Variants in GUCY2F observed in about 807,000 individuals in gnomAD.
GUCY2F encodes the protein guanylate cyclase 2F, retinal, also known as retinal guanylyl cyclase 2.
GUCY2F carries 61 observed loss-of-function variants against 73.1 expected under a neutral mutation model. The observed-to-expected ratio is 0.83, with a 90% CI of 0.68 to 1.03. The LOEUF (loss-of-function observed/expected upper bound fraction) is 1.03. GUCY2F is among the 50% of genes least tolerant of loss of function. The pLI, the probability that GUCY2F is intolerant of heterozygous loss-of-function variation, is 0.00. For synonymous variants in GUCY2F, 331 were observed against 307.8 expected (o/e 1.08, Z -0.79); for missense variants, 912 against 854.3 (o/e 1.07, Z -0.84).
chrX:109,394,080 T>A (rs920114006), intron 12 of GUCY2F, among the ~76,000 whole-genome samples: 3 of 111,498 alleles, frequency 2.7e-5, no homozygotes, highest in African/African-American at 9.8e-5. Context: ...CCAGGGAACC[T>A]CCCTCTCCTC....
Position 109,465,403 on chromosome X carries a change from C to T in GUCY2F, c.771G>A (p.Glu257=). Residue 257 remains glutamate (E), a synonymous_variant, in exon 3 of 20, where the codon GAG becomes GAA. Transcript: ENST00000218006. ...MCMHSALIGG[E]TQMHLLECAH... is the part of the protein sequence containing the mutation. ...CACATTCCAAGAGATGCATCTGAGTCTCTCCCCCAATCAAAGCTGAATGCA... is the reference window on the plus strand; with the variant it reads ...CACATTCCAAGAGATGCATCTGAGTTTCTCCCCCAATCAAAGCTGAATGCA... 8.3e-7 allele frequency: 1 copy of T among 1,204,983 alleles called. No individual in the cohort carries two copies.
chrX:109,419,962 G>C, intron 8 of GUCY2F, among the ~76,000 whole-genome samples: 1 of 110,039 alleles, frequency 9.1e-6, no homozygotes, highest in East Asian at 2.8e-4. Context: ...TGGCATTATG[G>C]TTACACTAAT....
intron 14 of GUCY2F, 29 bp downstream of exon 14, chrX:109,391,882 G>C: frequency 2.0e-6 from 2 of 1,007,840 alleles, no homozygotes; most frequent in Middle Eastern, 3.0e-4. Flanking sequence ...ATTTCACTAT[G>C]GAATATATTT....
intron 17 of GUCY2F, among the ~76,000 whole-genome samples, chrX:109,381,607 C>T (rs1930311979): frequency 8.9e-6 from 1 of 112,094 alleles, no homozygotes; most frequent in African/African-American, 3.2e-5. Flanking sequence ...AAAATGTTTG[C>T]CTTTCATAGA....
intron 4 of GUCY2F, 117 bp downstream of exon 4, chrX:109,453,388 G>A (rs757743625): frequency 7.2e-5 from 32 of 443,317 alleles, no homozygotes; most frequent in African/African-American, 6.7e-4. Context: ...TATGTCACTC[G>A]AATGCAAATA....
At chrX:109,418,386 G>C (rs113113479) in intron 8 of GUCY2F, among the ~76,000 whole-genome samples, 2,040 of 111,881 alleles carry the variant, frequency 0.018, 43 homozygotes, top group African/African-American at 0.062. Flanking sequence ...GGAATGTTCA[G>C]TAACACAGAC....
At chrX:109,463,358 C>A (rs189833799) in intron 3 of GUCY2F, among the ~76,000 whole-genome samples, 4 of 110,064 alleles carry the variant, frequency 3.6e-5, no homozygotes, top group Non-Finnish European at 5.7e-5. Flanking sequence ...TAGGCATGGG[C>A]ATGGGACACA....
intron 2 of GUCY2F, among the ~76,000 whole-genome samples, chrX:109,473,543 G>A (rs1479549518): frequency 9.0e-6 from 1 of 111,543 alleles, no homozygotes; most frequent in Non-Finnish European, 1.9e-5. Flanking sequence ...CAGTATTCTT[G>A]AAAAGATGTC....
intron 15 of GUCY2F, 123 bp from the exon 16 acceptor site, chrX:109,385,405 C>T (rs764795975): frequency 2.5e-6 from 1 of 394,169 alleles, no homozygotes; most frequent in Non-Finnish European, 4.4e-6. Context: ...TCATATAGCT[C>T]TGTGAATCTG....
intron 8 of GUCY2F, among the ~76,000 whole-genome samples, chrX:109,426,009 T>C (rs1275382901): frequency 9.0e-6 from 1 of 110,859 alleles, no homozygotes. Context: ...AATTATGAGG[T>C]AGTAGTAAGG....
intron 8 of GUCY2F, among the ~76,000 whole-genome samples, chrX:109,413,409 CT>C (rs202214535): frequency 2.8e-4 from 30 of 105,825 alleles, no homozygotes; most frequent in Middle Eastern, 4.8e-3. Context: ...GACAAGACAC[CT>C]TTTTTTTTTT....
chrX:109,414,030 C>T (rs1247543985), intron 8 of GUCY2F, among the ~76,000 whole-genome samples: 2 of 110,886 alleles, frequency 1.8e-5, no homozygotes, highest in African/African-American at 3.3e-5. Flanking sequence ...CAGCTCACTG[C>T]CACAACCACC....
intron 4 of GUCY2F, among the ~76,000 whole-genome samples, chrX:109,452,856 C>CT (rs967907904): frequency 8.1e-5 from 9 of 111,591 alleles, no homozygotes; most frequent in African/African-American, 2.6e-4. Flanking sequence ...CTTCCACAAG[C>CT]TAGAGGAGTT....
intron 10 of GUCY2F, among the ~76,000 whole-genome samples, chrX:109,400,081 T>A (rs1024273176): frequency 9.1e-6 from 1 of 109,794 alleles, no homozygotes; most frequent in Non-Finnish European, 1.9e-5. Flanking sequence ...GGAGAGGGAT[T>A]TGATGAAAGC....
Position 109,388,651 on chromosome X carries a change from C to T in GUCY2F, c.2794G>A (p.Gly932Arg), listed in dbSNP as rs779163568. ...SHDVYKVETI[G>R]DAYMVASGLP... is the part of the protein sequence containing the mutation. ...CCTGAAGCCACCATGTAGGCATCTC[C>T]AATGGTCTCTACCTGGGAATTAGGA... Residue 932 changes from glycine to arginine, a missense_variant, in exon 15 of 20, where the codon GGA (glycine) becomes AGA (arginine). Transcript: ENST00000218006. The T allele has an allele frequency of 3.4e-6, 4 of 1,180,205 alleles. No individual in the cohort carries two copies. Among genetic ancestry groups the T allele is most frequent in the Non-Finnish European group, 4.6e-6 (4 of 868,008 alleles).
chrX:109,391,387 T>A (rs1307547627), intron 14 of GUCY2F, among the ~76,000 whole-genome samples: 1 of 111,083 alleles, frequency 9.0e-6, no homozygotes, highest in African/African-American at 3.3e-5. Flanking sequence ...CCAAAGAGCC[T>A]CGAGTCTAAT....
Position 109,475,624 on chromosome X carries a change from G to T in GUCY2F, c.313C>A (p.Gln105Lys), listed in dbSNP as rs775093662. 1 of 1,207,974 alleles carries T rather than the reference G, an allele frequency of 8.3e-7. No homozygotes were observed. The highest frequency in any genetic ancestry group is 1.1e-6 in the Non-Finnish European group (1 of 893,591). The change falls in exon 2 of 20, where the codon CAG becomes AAG. Residue 105 changes from glutamine to lysine, a missense_variant. Coordinates refer to ENST00000218006, the MANE Select transcript of GUCY2F (RefSeq NM_001522.3). ...AAACTGGAGAGAGCCCTCGAAGTCT[G>T]GCAGTCTTCATTGAGAATCACGTAT... ...FEYVILNEDC[Q>K]TSRALSSFIS... is the part of the protein sequence containing the mutation.
At chrX:109,427,584 C>A (rs946473990) in intron 8 of GUCY2F, among the ~76,000 whole-genome samples, 3 of 112,086 alleles carry the variant, frequency 2.7e-5, no homozygotes, top group Non-Finnish European at 5.6e-5. Context: ...TGGTACCCAG[C>A]CCTAACGTTT....
intron 7 of GUCY2F, among the ~76,000 whole-genome samples, chrX:109,437,985 T>C (rs1219051256): frequency 1.8e-5 from 2 of 112,504 alleles, no homozygotes; most frequent in East Asian, 5.5e-4. Context: ...CAAGGCAAGA[T>C]CCAGAGGTTT....
Sources: allele counts gnomAD v4.1 joint callset (sites outside exome capture counted in the v4.1 genomes callset), GRCh38; gene constraint gnomAD v4.1.1; transcripts MANE v1.5; gene names NCBI Gene and HGNC (gene_info 2026-07-23, HGNC 2026-07-21).